Variants in HEMK2 observed in about 807,000 individuals in gnomAD.
The protein encoded by HEMK2 is methyltransferase HEMK2.
At chr21:28,838,998 T>TATATATATATATATATATATATAC in the HEMK2 span, among the ~76,000 whole-genome samples, 9 of 57,962 alleles carry the variant, frequency 1.6e-4, no homozygotes, top group Non-Finnish European at 2.2e-4. Flanking sequence ...TATATATATA[T>TATATATATATATATATATATATAC]ATACATATAT....
chr21:28,765,937 C>T, the HEMK2 span, among the ~76,000 whole-genome samples: 117 of 152,092 alleles, frequency 7.7e-4, no homozygotes, highest in African/African-American at 2.7e-3. Context: ...CAAGAATGGC[C>T]ATAATTCACA....
At chr21:28,863,454 A>AC in the HEMK2 span, among the ~76,000 whole-genome samples, 3 of 79,356 alleles carry the variant, frequency 3.8e-5, no homozygotes, top group Non-Finnish European at 7.6e-5. Context: ...ATATATATAT[A>AC]TATATATATA....
chr21:28,577,350 T>C, the HEMK2 span: 1 of 152,178 alleles, frequency 6.6e-6, no homozygotes, highest in Non-Finnish European at 1.5e-5. Flanking sequence ...TTCATGTCAT[T>C]CTTTTCCTCA....
the HEMK2 span, among the ~76,000 whole-genome samples, chr21:28,590,631 A>T: frequency 6.6e-6 from 1 of 152,224 alleles, no homozygotes; most frequent in Non-Finnish European, 1.5e-5. Context: ...TTAAATTGTT[A>T]AAGATTTGTG....
the HEMK2 span, among the ~76,000 whole-genome samples, chr21:28,650,941 A>G: frequency 6.6e-6 from 1 of 152,160 alleles, no homozygotes; most frequent in Non-Finnish European, 1.5e-5. Flanking sequence ...AAAGGATGCT[A>G]AAGGTGGGTA....
At chr21:28,743,096 G>A in the HEMK2 span, 1 of 152,178 alleles carries the variant, frequency 6.6e-6, no homozygotes, top group Non-Finnish European at 1.5e-5. Flanking sequence ...ATTGTCAAAT[G>A]CGCTGCAGTG....
chr21:28,815,333 C>A, the HEMK2 span, among the ~76,000 whole-genome samples: 12,927 of 151,618 alleles, frequency 0.085, 1,293 homozygotes, highest in African/African-American at 0.23. Flanking sequence ...ATGCAACAAA[C>A]CTGCACGTTG....
chr21:28,775,917 TA>T, the HEMK2 span, among the ~76,000 whole-genome samples: 1 of 151,772 alleles, frequency 6.6e-6, no homozygotes, highest in Non-Finnish European at 1.5e-5. Flanking sequence ...GCGTGACTGT[TA>T]AAATGCCATT....
At chr21:28,578,857 A>G in the HEMK2 span, among the ~76,000 whole-genome samples, 1 of 152,178 alleles carries the variant, frequency 6.6e-6, no homozygotes, top group Admixed American at 6.5e-5. Flanking sequence ...CATAACTAAT[A>G]AATTTGTAAG....
chr21:28,663,735 C>T, the HEMK2 span, among the ~76,000 whole-genome samples: 2 of 152,216 alleles, frequency 1.3e-5, no homozygotes, highest in African/African-American at 4.8e-5. Flanking sequence ...TAACCTAGCA[C>T]TGTCAGCCAC....
chr21:28,593,396 T>C, the HEMK2 span, among the ~76,000 whole-genome samples: 3 of 152,228 alleles, frequency 2.0e-5, no homozygotes, highest in Admixed American at 2.0e-4. Context: ...ACTCAACCTG[T>C]ATACGTGGAT....
At chr21:28,602,587 G>A in the HEMK2 span, among the ~76,000 whole-genome samples, 1 of 152,264 alleles carries the variant, frequency 6.6e-6, no homozygotes, top group Non-Finnish European at 1.5e-5. Context: ...AGCCTGAAAA[G>A]TGCATAGAAA....
the HEMK2 span, among the ~76,000 whole-genome samples, chr21:28,821,640 T>C: frequency 3.3e-5 from 5 of 152,142 alleles, no homozygotes; most frequent in Non-Finnish European, 4.4e-5. Context: ...AAAAAATCAG[T>C]AGACTTCTGC....
the HEMK2 span, among the ~76,000 whole-genome samples, chr21:28,758,429 G>T: frequency 6.9e-3 from 1,051 of 152,242 alleles, 33 homozygotes; most frequent in Admixed American, 0.053. Context: ...ATCTGGAAAA[G>T]ACAAAAAGGA....
At chr21:28,834,522 C>G in the HEMK2 span, among the ~76,000 whole-genome samples, 5 of 152,184 alleles carry the variant, frequency 3.3e-5, no homozygotes, top group African/African-American at 1.2e-4. Context: ...GCTCCCCTAG[C>G]AGGCCATTCC....
the HEMK2 span, among the ~76,000 whole-genome samples, chr21:28,863,413 TATATATATATATATATATATATA>T: frequency 4.0e-3 from 96 of 24,128 alleles, 10 homozygotes; most frequent in Middle Eastern, 0.088. Flanking sequence ...CTCCCTTTTA[TATATATATATATATATATATATA>T]TATATATATA....
the HEMK2 span, among the ~76,000 whole-genome samples, chr21:28,663,113 A>C: frequency 2.0e-5 from 3 of 152,202 alleles, no homozygotes; most frequent in African/African-American, 7.2e-5. Context: ...ACAAAGAATA[A>C]TCTGATGTAA....
chr21:28,879,080 C>CTTTTTTTTTTTTTTTTTTTTT, the HEMK2 span, among the ~76,000 whole-genome samples: 1 of 98,656 alleles, frequency 1.0e-5, no homozygotes, highest in Non-Finnish European at 2.0e-5. Flanking sequence ...TAGATTGTTT[C>CTTTTTTTTTTTTTTTTTTTTT]TTTTTTTTTT....
chr21:28,885,105 G>T, the HEMK2 span: 905 of 1,398,086 alleles, frequency 6.5e-4, 7 homozygotes, highest in Admixed American at 0.019. Context: ...AGTGGACCCC[G>T]CCTGCTCCGG....
Sources: allele counts gnomAD v4.1 joint callset (sites outside exome capture counted in the v4.1 genomes callset), GRCh38; gene constraint gnomAD v4.1.1; transcripts MANE v1.5; gene names NCBI Gene and HGNC (gene_info 2026-07-23, HGNC 2026-07-21).